DOCK2: variants seen among roughly 807,000 people sequenced by gnomAD.
DOCK2 encodes the protein dedicator of cytokinesis 2.
In DOCK2, 87 loss-of-function variants were observed where a neutral mutation model predicts 248.9. That is an observed-to-expected ratio of 0.35 (90% CI 0.29 to 0.42). The LOEUF (loss-of-function observed/expected upper bound fraction) is 0.42. Among genes scored for constraint, DOCK2 ranks in the 10% least tolerant of loss-of-function variants. The pLI is 1.00. For synonymous variants in DOCK2, 805 were observed against 821.6 expected (o/e 0.98, Z 0.35); for missense variants, 1,747 against 2,300.2 (o/e 0.76, Z 4.92).
chr5:169,978,501 T>C (rs1777817912), intron 27 of DOCK2, among the ~76,000 whole-genome samples: 1 of 151,728 alleles, frequency 6.6e-6, no homozygotes. Context: ...ATGATGATGA[T>C]GATGATGAAT....
At chr5:169,708,062 G>T (rs1213698905) in intron 14 of DOCK2, 107 bp from the exon 15 acceptor site, 28 of 1,118,274 alleles carry the variant, frequency 2.5e-5, no homozygotes, top group East Asian at 5.1e-5. Flanking sequence ...GGAAGGCAGG[G>T]TTGGCCCAGG....
rs1758076651 is a variant in DOCK2 at position 170,082,705 on chromosome 5, G to C, written c.5431-91G>C. Reference sequence around the variant, plus strand: ...TGGGCTTTGGGCAGGGGTCAGTGTTGAGGCCCTTGTGATTAGGACTGGGAA... The same window carrying C: ...TGGGCTTTGGGCAGGGGTCAGTGTTCAGGCCCTTGTGATTAGGACTGGGAA... On this transcript the variant is annotated intron_variant, in intron 51 of 51. Transcript: ENST00000520908. The C allele has an allele frequency of 2.6e-6, 4 of 1,513,622 alleles. No individual in the cohort carries two copies. In the Admixed American group the frequency reaches 7.4e-5, roughly 28 times the overall value. The allele number at this position is 1,513,622 out of a possible 1,614,324, so 93.8% of individuals were successfully genotyped here.
At chr5:169,659,466 C>A (rs1047714577) in intron 2 of DOCK2, among the ~76,000 whole-genome samples, 32 of 152,172 alleles carry the variant, frequency 2.1e-4, no homozygotes, top group African/African-American at 6.5e-4. Context: ...TATATTTTTA[C>A]AACATGGCCC....
intron 1 of DOCK2, among the ~76,000 whole-genome samples, chr5:169,647,554 G>A (rs894462517): frequency 2.6e-5 from 4 of 152,064 alleles, no homozygotes; most frequent in Non-Finnish European, 4.4e-5. Context: ...TCTTGAACTC[G>A]TCTCCAAACA....
intron 27 of DOCK2, among the ~76,000 whole-genome samples, chr5:169,877,754 G>A (rs565944431): frequency 6.6e-6 from 1 of 152,280 alleles, no homozygotes; most frequent in South Asian, 2.1e-4. Flanking sequence ...GAAGTGATGG[G>A]AAGAAACTAA....
chr5:169,877,368 G>A (rs261076), intron 27 of DOCK2, among the ~76,000 whole-genome samples: 44,082 of 152,038 alleles, frequency 0.29, 7,371 homozygotes, highest in African/African-American at 0.46. Flanking sequence ...GTCAATTCAC[G>A]TTCAAGTGAC....
chr5:170,073,088 A>T (rs1757732866), intron 46 of DOCK2, among the ~76,000 whole-genome samples: 1 of 152,226 alleles, frequency 6.6e-6, no homozygotes, highest in South Asian at 2.1e-4. Context: ...CTACCCCAAG[A>T]TCATGAAGAT....
intron 40 of DOCK2, 116 bp from the exon 41 acceptor site, chr5:170,050,140 G>A: frequency 1.5e-6 from 2 of 1,340,514 alleles, no homozygotes; most frequent in Non-Finnish European, 2.1e-6. Flanking sequence ...CAAGAGGAGA[G>A]TGATGCACTG....
chr5:169,939,024 C>T (rs1776115844), intron 27 of DOCK2, among the ~76,000 whole-genome samples: 1 of 151,772 alleles, frequency 6.6e-6, no homozygotes, highest in African/African-American at 2.4e-5. Context: ...CTACCTTAGC[C>T]TCGGGAGTAG....
Position 169,772,760 on chromosome 5 carries a change from C to T in DOCK2, c.2554+11135C>T, listed in dbSNP as rs112792120. Reference sequence around the variant, plus strand: ...TCCTCTTCCCATTGAAAAATATTCTCCCAATACTGTGTTGAGAAGTATTGA... The same window carrying T: ...TCCTCTTCCCATTGAAAAATATTCTTCCAATACTGTGTTGAGAAGTATTGA... On this transcript the variant is annotated intron_variant, in intron 25 of 51. Coordinates refer to ENST00000520908, the MANE Select transcript of DOCK2 (RefSeq NM_004946.3). 7.4e-4 allele frequency among the ~76,000 whole-genome samples: 112 copies of T among 152,294 alleles called. 1 individual carries two copies. Among genetic ancestry groups the T allele is most frequent in the African/African-American group, 2.5e-3 (104 of 41,556 alleles).
At chr5:170,057,810 G>T in intron 44 of DOCK2, 144 bp downstream of exon 44, 1 of 697,952 alleles carries the variant, frequency 1.4e-6, no homozygotes, top group Non-Finnish European at 2.3e-6. Context: ...CATGCAGGCA[G>T]CATTCAGAAT....
intron 22 of DOCK2, among the ~76,000 whole-genome samples, chr5:169,736,400 T>G (rs994214915): frequency 3.3e-5 from 5 of 152,154 alleles, no homozygotes; most frequent in Admixed American, 3.3e-4. Context: ...CTTTTCCTCC[T>G]CTGATATGTT....
intron 27 of DOCK2, among the ~76,000 whole-genome samples, chr5:169,849,481 A>C (rs1402026992): frequency 1.3e-5 from 2 of 152,218 alleles, no homozygotes; most frequent in Non-Finnish European, 2.9e-5. Flanking sequence ...GAGCACTTTG[A>C]ACTCAGTTGC....
At chr5:169,993,595 G>A (rs1228307957) in intron 29 of DOCK2, among the ~76,000 whole-genome samples, 2 of 141,032 alleles carry the variant, frequency 1.4e-5, no homozygotes, top group Non-Finnish European at 3.1e-5. Flanking sequence ...TGTGATTCCA[G>A]TGCCAGGATA....
At chr5:170,005,324 A>C (rs1754986569) in intron 30 of DOCK2, among the ~76,000 whole-genome samples, 1 of 152,234 alleles carries the variant, frequency 6.6e-6, no homozygotes, top group Non-Finnish European at 1.5e-5. Context: ...ATTGATAAAC[A>C]AATATTTTCT....
chr5:169,826,037 T>TGTAAA lies in DOCK2; in HGVS notation c.2704-14716_2704-14712dup, dbSNP rs568732972. On this transcript the variant is annotated intron_variant, in intron 26 of 51. Coordinates refer to ENST00000520908, the MANE Select transcript of DOCK2 (RefSeq NM_004946.3). ...TTCATCAAATTCTGAAGTGATAAGA[T>TGTAAA]GTAAAGTAGTTTAGACAATGTTACT... Among the ~76,000 whole-genome samples, 30 of 152,174 alleles carry TGTAAA rather than the reference T, an allele frequency of 2.0e-4. No individual in the cohort carries two copies. In the South Asian group the frequency reaches 3.9e-3, roughly 20 times the overall value.
chr5:169,942,518 G>T (rs1776282207), intron 27 of DOCK2, among the ~76,000 whole-genome samples: 1 of 152,202 alleles, frequency 6.6e-6, no homozygotes. Context: ...GAACTCATTT[G>T]CAAGGATCTA....
intron 26 of DOCK2, among the ~76,000 whole-genome samples, chr5:169,813,168 T>A (rs1057036224): frequency 2.6e-5 from 4 of 152,196 alleles, no homozygotes; most frequent in African/African-American, 9.6e-5. Flanking sequence ...GAGTATTAAA[T>A]GTTTAGGAAT....
rs148419344 is a variant in DOCK2 at position 169,844,855 on chromosome 5, T to A, written c.2799+4003T>A. Among the ~76,000 whole-genome samples the A allele has an allele frequency of 4.9e-3, 742 of 152,240 alleles. 3 individuals are homozygous for A. The highest frequency in any genetic ancestry group is 8.6e-3 in the Non-Finnish European group (582 of 68,026). On this transcript the variant is annotated intron_variant, in intron 27 of 51. Transcript: ENST00000520908. ...ATGGAGTAATAATAGATCTTCCTCA[T>A]AGAGATCCTGTGTGAATTAAATCGT... is the stretch of plus-strand genomic sequence containing the variant.
Sources: gnomAD v4.1 joint callset for allele counts (sites outside exome capture counted in the v4.1 genomes callset) on GRCh38, gnomAD v4.1.1 for gene constraint, MANE v1.5 for transcripts, NCBI Gene and HGNC (gene_info 2026-07-23, HGNC 2026-07-21) for gene names.